The following DIO2 variants were observed in gnomAD, a reference collection of about 807,000 sequenced individuals.
The protein encoded by DIO2 is type II iodothyronine deiodinase.
In DIO2, 19 loss-of-function variants were observed where a neutral mutation model predicts 21.4. That is an observed-to-expected ratio of 0.89 (90% confidence interval 0.62 to 1.30). The LOEUF is 1.30. DIO2 is among the 50% of genes most tolerant of loss of function. The pLI, the probability that DIO2 is intolerant of heterozygous loss-of-function variation, is 0.00. For missense variants in DIO2, 302 were observed against 338.1 expected (o/e 0.89, Z 0.84); for synonymous variants, 122 against 132.9 (o/e 0.92, Z 0.57).
At chr14:80,224,733 T>C (rs1344701581) in intron 2 of DIO2, among the ~76,000 whole-genome samples, 2 of 152,314 alleles carry the variant, frequency 1.3e-5, no homozygotes, top group African/African-American at 4.8e-5. Context: ...ATTTAAACTG[T>C]TGAACACAAG....
chr14:80,203,270 C>T lies in DIO2; in HGVS notation c.241G>A (p.Ala81Thr), dbSNP rs1159991993. Reference protein sequence around the residue: ...AYKQVKLGEDAPNSSVVHVSS... With the variant: ...AYKQVKLGEDTPNSSVVHVSS... ...ACATGCACCACACTGGAATTGGGGG[C>T]ATCCTCACCCAATTTCACCTGACGG... Residue 81 changes from alanine (A) to threonine (T), a missense_variant, in exon 2 of 2, where the codon GCC (alanine) becomes ACC (threonine). Transcript: ENST00000438257. 2 of 1,561,834 alleles carry T rather than the reference C, an allele frequency of 1.3e-6. No homozygotes were observed. The highest frequency in any genetic ancestry group is 8.7e-7 in the Non-Finnish European group (1 of 1,154,584).
chr14:80,217,398 G>T (rs940647296), intron 2 of DIO2, among the ~76,000 whole-genome samples: 1 of 152,176 alleles, frequency 6.6e-6, no homozygotes, highest in Non-Finnish European at 1.5e-5. Flanking sequence ...AGAGCCACTG[G>T]TGGAACACAA....
At chr14:80,221,383 A>T (rs1044820249) in intron 2 of DIO2, among the ~76,000 whole-genome samples, 2 of 152,226 alleles carry the variant, frequency 1.3e-5, no homozygotes, top group African/African-American at 4.8e-5. Flanking sequence ...TTGTCTGAGT[A>T]CCTACATGCT....
Position 80,198,249 on chromosome 14 carries a change from G to A in DIO2, c.*4440C>T, listed in dbSNP as rs1349995910. 1.3e-5 allele frequency: 2 copies of A among 152,620 alleles called. No homozygotes were observed. Among genetic ancestry groups the A allele is most frequent in the Non-Finnish European group, 2.9e-5 (2 of 68,036 alleles). The allele number at this position is 152,620 out of a possible 1,614,324, so 9.5% of individuals were successfully genotyped here. ...TATTGAATAAGCTCCCTGGAGCTCT[G>A]CTGTTGCTGCCTAAGACGGGTAGCC... On this transcript the variant is annotated 3_prime_UTR_variant, in exon 2 of 2. Transcript: ENST00000438257.
At position 80,202,605 on chromosome 14, in the gene DIO2, C is replaced by T. The variant is rs1887775378; in HGVS notation, c.*84G>A. 7.3e-7 allele frequency: 1 copy of T among 1,370,802 alleles called. No individual in the cohort carries two copies. Among genetic ancestry groups the T allele is most frequent in the Non-Finnish European group, 9.8e-7 (1 of 1,023,186 alleles). 84.9% of individuals were successfully genotyped at this position (1,370,802 alleles called of 1,614,324 possible). On this transcript the variant is annotated 3_prime_UTR_variant, in exon 2 of 2. Coordinates refer to ENST00000438257, the MANE Select transcript of DIO2 (RefSeq NM_013989.5). ...CCTGTCTTTCAGTAAGCCAATAGGG[C>T]TCTGTTGAAATATGGATTCAGTTCT...
In DIO2 at chr14:80,199,759, G is replaced by A. The variant is rs545073562; in HGVS notation, c.*2930C>T. On this transcript the variant is annotated 3_prime_UTR_variant, in exon 2 of 2. Coordinates refer to ENST00000438257, the MANE Select transcript of DIO2 (RefSeq NM_013989.5). ...TAGACAAGCTAATGAAGCTTAAAAGGCTAAACCGATAGCTCCATGTAAACA... is the reference window on the plus strand; with the variant it reads ...TAGACAAGCTAATGAAGCTTAAAAGACTAAACCGATAGCTCCATGTAAACA... The A allele has an allele frequency of 1.3e-5, 2 of 152,534 alleles. No individual in the cohort carries two copies. Among genetic ancestry groups the A allele is most frequent in the African/African-American group, 2.4e-5 (1 of 41,414 alleles). The allele number at this position is 152,534 out of a possible 1,614,324, so 9.4% of individuals were successfully genotyped here.
upstream of DIO2, chr14:80,212,315 T>C (rs898712605): frequency 6.6e-6 from 1 of 150,614 alleles, no homozygotes; most frequent in Non-Finnish European, 1.5e-5. Flanking sequence ...TTGCAGTGAA[T>C]AGAAAAGCAA....
intron 2 of DIO2, among the ~76,000 whole-genome samples, chr14:80,227,440 G>A (rs1302122591): frequency 6.6e-6 from 1 of 152,174 alleles, no homozygotes; most frequent in African/African-American, 2.4e-5. Flanking sequence ...GGGTCAGAAA[G>A]CATCCAGTTC....
upstream of DIO2, among the ~76,000 whole-genome samples, chr14:80,212,652 G>T (rs1888253257): frequency 6.6e-6 from 1 of 152,058 alleles, no homozygotes; most frequent in Admixed American, 6.5e-5. Context: ...TTTATACCAT[G>T]ACTCCAACCC....
chr14:80,203,888 T>G (rs941364770), intron 1 of DIO2, among the ~76,000 whole-genome samples: 6 of 152,224 alleles, frequency 3.9e-5, no homozygotes, highest in African/African-American at 1.4e-4. Context: ...ACTTAACCTC[T>G]TTAGTGATTC....
At chr14:80,229,794 C>T (rs868315541) in intron 2 of DIO2, among the ~76,000 whole-genome samples, 1 of 152,172 alleles carries the variant, frequency 6.6e-6, no homozygotes, top group Middle Eastern at 3.2e-3. Flanking sequence ...GAGCCTGATC[C>T]AACTCTGTTC....
intron 2 of DIO2, among the ~76,000 whole-genome samples, chr14:80,226,593 A>C (rs1488245494): frequency 2.6e-5 from 4 of 152,124 alleles, no homozygotes; most frequent in Non-Finnish European, 4.4e-5. Context: ...CATACCAAGA[A>C]CTCAGTGTTG....
intron 1 of DIO2, chr14:80,205,760 T>A (rs748944597): frequency 7.9e-7 from 1 of 1,263,338 alleles, no homozygotes; most frequent in South Asian, 1.4e-5. Flanking sequence ...TTAGGAAAGT[T>A]ACCAAATTCG....
At chr14:80,203,635 T>C (rs1226472916) in intron 1 of DIO2, among the ~76,000 whole-genome samples, 1 of 152,250 alleles carries the variant, frequency 6.6e-6, no homozygotes, top group Non-Finnish European at 1.5e-5. Flanking sequence ...ATGCATTCTA[T>C]AACAAATGAT....
At position 80,204,448 on chromosome 14, in the gene DIO2, A is replaced by T. The variant is rs577545815; in HGVS notation, c.223-1160T>A. Among the ~76,000 whole-genome samples the T allele has an allele frequency of 1.8e-4, 27 of 152,306 alleles. No individual in the cohort carries two copies. In the South Asian group the frequency reaches 5.4e-3, roughly 30 times the overall value. On this transcript the variant is annotated intron_variant, in intron 1 of 1. Transcript: ENST00000438257. ...TTTGCACATGGTTTAAATAGTTGAG[A>T]ACAGAATGAAGGAAAGTTTGCAGCC...
intron 2 of DIO2, among the ~76,000 whole-genome samples, chr14:80,227,110 C>G (rs1027557875): frequency 6.6e-6 from 1 of 152,132 alleles, no homozygotes; most frequent in Admixed American, 6.5e-5. Context: ...CTGCTGTCCC[C>G]CAGTGATGTC....
intron 2 of DIO2, among the ~76,000 whole-genome samples, chr14:80,225,005 G>A (rs1158445936): frequency 1.3e-5 from 2 of 152,180 alleles, no homozygotes; most frequent in Non-Finnish European, 2.9e-5. Flanking sequence ...GAAGCATGCA[G>A]CACAGGAGAA....
intron 1 of DIO2, 89 bp downstream of exon 1, chr14:80,211,162 C>T (rs959055826): frequency 3.8e-5 from 48 of 1,269,946 alleles, no homozygotes; most frequent in Non-Finnish European, 5.1e-5. Flanking sequence ...CACAGCTCTC[C>T]CCCCAATGCT....
At chr14:80,222,026 A>AGAG (rs1188787318) in intron 2 of DIO2, among the ~76,000 whole-genome samples, 1 of 152,204 alleles carries the variant, frequency 6.6e-6, no homozygotes, top group African/African-American at 2.4e-5. Context: ...GATTACTGAG[A>AGAG]GAGGAGGAAG....
Sources: gnomAD v4.1 joint callset for allele counts (sites outside exome capture counted in the v4.1 genomes callset) on GRCh38, gnomAD v4.1.1 for gene constraint, MANE v1.5 for transcripts, NCBI Gene and HGNC (gene_info 2026-07-23, HGNC 2026-07-21) for gene names.